The following LRCH3 variants were observed in gnomAD, a reference collection of about 807,000 sequenced individuals.
The protein encoded by LRCH3 is DISP complex protein LRCH3.
Under a neutral mutation model 104.5 loss-of-function variants are expected in LRCH3, and 68 were observed. The observed-to-expected ratio is 0.65, with a 90% CI of 0.54 to 0.80. The LOEUF (loss-of-function observed/expected upper bound fraction) is 0.80. Among genes scored for constraint, LRCH3 ranks in the 30% least tolerant of loss-of-function variants. LRCH3 has a pLI of 0.00. For synonymous variants in LRCH3, 344 were observed against 361.3 expected (o/e 0.95, Z 0.54); for missense variants, 951 against 953.9 (o/e 1.00, Z 0.04).
intron 20 of LRCH3, among the ~76,000 whole-genome samples, chr3:197,877,879 ATTATG>A (rs1488798834): frequency 2.0e-5 from 3 of 152,078 alleles, no homozygotes; most frequent in Non-Finnish European, 4.4e-5. Context: ...TCGTTTTTAT[ATTATG>A]TTGTTTTATA....
chr3:197,844,089 T>TA (rs1003155011), intron 10 of LRCH3, among the ~76,000 whole-genome samples: 3 of 152,210 alleles, frequency 2.0e-5, no homozygotes, highest in Non-Finnish European at 2.9e-5. Context: ...TATGGATGTC[T>TA]AGGGGTGAAA....
chr3:197,803,943 C>T (rs1205003470), intron 1 of LRCH3, among the ~76,000 whole-genome samples: 4 of 152,110 alleles, frequency 2.6e-5, no homozygotes, highest in Admixed American at 6.5e-5. Context: ...AAATTGAATA[C>T]TTTCAACATC....
rs1471326685 is a variant in LRCH3, at chr3:197,875,725, C to T, written c.2158C>T (p.Arg720Ter). The T allele has an allele frequency of 2.6e-6, 4 of 1,534,668 alleles. No homozygotes were observed. The highest frequency in any genetic ancestry group is 2.6e-6 in the Non-Finnish European group (3 of 1,146,558). ...VPKLTMAKCR[R>*]NVENFLEACR... Reference sequence around the variant, plus strand: ...TAAATTAACAATGGCGAAATGCAGGCGAAATGTGGAAAATTTCCTAGAAGC... The same window carrying T: ...TAAATTAACAATGGCGAAATGCAGGTGAAATGTGGAAAATTTCCTAGAAGC... Residue 720 changes from arginine to a stop codon, truncating the protein, a stop_gained, in exon 20 of 21, where the codon CGA becomes TGA. Coordinates refer to ENST00000425562, the MANE Select transcript of LRCH3 (RefSeq NM_001365715.1). LOFTEE classifies it high-confidence loss of function.
At chr3:197,835,891 T>C in intron 9 of LRCH3, 69 bp downstream of exon 9, 1 of 1,508,404 alleles carries the variant, frequency 6.6e-7, no homozygotes. Flanking sequence ...TAGTATAAAG[T>C]TTTGTTATAT....
chr3:197,791,628 A>G, intron 1 of LRCH3, 88 bp downstream of exon 1: 5 of 1,405,068 alleles, frequency 3.6e-6, no homozygotes, highest in Non-Finnish European at 4.7e-6. Flanking sequence ...GGGGAGTTAC[A>G]GCAGCTCGTC....
intron 10 of LRCH3, among the ~76,000 whole-genome samples, chr3:197,842,125 A>G (rs542062809): frequency 6.6e-6 from 1 of 152,314 alleles, no homozygotes; most frequent in Non-Finnish European, 1.5e-5. Flanking sequence ...GGTGTGAGCC[A>G]CTGCACCCAG....
chr3:197,845,872 C>T (rs1423048247), intron 10 of LRCH3, among the ~76,000 whole-genome samples: 1 of 152,146 alleles, frequency 6.6e-6, no homozygotes, highest in African/African-American at 2.4e-5. Flanking sequence ...CCACTGCACT[C>T]CAGCCTGGGT....
In LRCH3 at chr3:197,832,310, C is replaced by T. The variant is rs761724769; in HGVS notation, c.1095C>T (p.Asn365=). ...ACCGCGGCAGTTTGGTAGTAACAAA[C>T]GGCGGAGGTAAACATAATTCCGGTG... The part of the protein sequence containing the change: ...QENRGSLVVT[N]GGVEHDLDQI... The change falls in exon 8 of 21, where the codon AAC becomes AAT. Residue 365 remains asparagine (N), a synonymous_variant. Coordinates refer to ENST00000425562, the MANE Select transcript of LRCH3 (RefSeq NM_001365715.1). 6.8e-5 allele frequency: 110 copies of T among 1,612,938 alleles called. 1 individual carries two copies. The East Asian group carries it at 1.8e-3, about 27-fold the overall frequency.
rs1328539395 is a variant in LRCH3 at position 197,883,699 on chromosome 3, A to G, written c.*33A>G. On this transcript the variant is annotated 3_prime_UTR_variant, in exon 21 of 21. Coordinates refer to ENST00000425562, the MANE Select transcript of LRCH3 (RefSeq NM_001365715.1). This position sits in a 1 kb window ranked among gnomAD's most constrained non-coding sequence, Gnocchi z 4.2. ...CAGGACGGTGGGCACTGGCCTGGCC[A>G]AAACAAGGAACAGGACACCGTGATT... The G allele has an allele frequency of 1.0e-5, 16 of 1,527,812 alleles. No individual in the cohort carries two copies. Among genetic ancestry groups the G allele is most frequent in the Non-Finnish European group, 1.3e-5 (15 of 1,143,028 alleles). 94.6% of individuals were successfully genotyped at this position (1,527,812 alleles called of 1,614,324 possible). A position where few individuals can be genotyped will look rare whatever the true frequency, so the allele number is the denominator to read the frequency against.
At chr3:197,800,844 C>T (rs772301802) in intron 1 of LRCH3, among the ~76,000 whole-genome samples, 1 of 152,034 alleles carries the variant, frequency 6.6e-6, no homozygotes, top group Admixed American at 6.6e-5. Context: ...ACCTATAATC[C>T]CAGCACTTTG....
chr3:197,853,399 A>G (rs1011944866), intron 13 of LRCH3, among the ~76,000 whole-genome samples: 1 of 152,072 alleles, frequency 6.6e-6, no homozygotes, highest in African/African-American at 2.4e-5. Flanking sequence ...TGTGTTGGTC[A>G]GGCTGGTCTC....
intron 1 of LRCH3, among the ~76,000 whole-genome samples, chr3:197,797,893 A>AAAAAACAAAAAAAAC: frequency 6.8e-6 from 1 of 146,750 alleles, no homozygotes; most frequent in African/African-American, 2.6e-5. Flanking sequence ...CAAAAAAAAA[A>AAAAAACAAAAAAAAC]ACAAAACCAG....
At chr3:197,833,163 T>A (rs1309499138) in intron 8 of LRCH3, among the ~76,000 whole-genome samples, 1 of 152,068 alleles carries the variant, frequency 6.6e-6, no homozygotes, top group East Asian at 1.9e-4. Flanking sequence ...CTTAAAATAA[T>A]GTTGAGATCT....
Position 197,866,227 on chromosome 3 carries a change from G to T in LRCH3, c.1873+8G>T. 6.2e-7 allele frequency: 1 copy of T among 1,607,992 alleles called. No homozygotes were observed. Among genetic ancestry groups the T allele is most frequent in the Non-Finnish European group, 8.5e-7 (1 of 1,174,428 alleles). ...GGGCAGAAACCAACAAAGGTAGGTG[G>T]TGGTGATTTTAAAAGCCAGGAGCGA... is the stretch of plus-strand genomic sequence containing the variant. On this transcript the variant is annotated splice_region_variant and intron_variant, in intron 17 of 20. Coordinates refer to ENST00000425562, the MANE Select transcript of LRCH3 (RefSeq NM_001365715.1).
intron 16 of LRCH3, 102 bp downstream of exon 16, chr3:197,865,573 C>T (rs890302990): frequency 1.4e-6 from 1 of 718,702 alleles, no homozygotes; most frequent in African/African-American, 1.9e-5. Flanking sequence ...TCTGTGTTGA[C>T]CAGGGTGGTC....
At chr3:197,819,768 T>G (rs1434885679) in intron 3 of LRCH3, among the ~76,000 whole-genome samples, 1 of 152,120 alleles carries the variant, frequency 6.6e-6, no homozygotes, top group African/African-American at 2.4e-5. Context: ...AATTATTAAT[T>G]GGTAGGAAAA....
rs181967402 is a variant in LRCH3 at position 197,807,256 on chromosome 3, G to A, written c.263-7652G>A. On this transcript the variant is annotated intron_variant, in intron 1 of 20. Transcript: ENST00000425562. ...TTTTGAGACGGAGTCTCGTTCTGTC[G>A]CCCAGGCTGGAGTGCAGTGGCGCGA... Among the ~76,000 whole-genome samples the A allele has an allele frequency of 2.4e-3, 353 of 145,288 alleles. 3 individuals carry two copies. Among genetic ancestry groups the A allele is most frequent in the African/African-American group, 8.3e-3 (325 of 38,986 alleles).
intron 20 of LRCH3, among the ~76,000 whole-genome samples, chr3:197,878,723 C>T (rs942492797): frequency 5.3e-5 from 8 of 152,188 alleles, no homozygotes; most frequent in African/African-American, 1.9e-4. Flanking sequence ...AACGCACAAA[C>T]TCGTAGGTTC....
At chr3:197,791,741 G>A (rs1730542355) in intron 1 of LRCH3, among the ~76,000 whole-genome samples, 1 of 152,176 alleles carries the variant, frequency 6.6e-6, no homozygotes, top group South Asian at 2.1e-4. Flanking sequence ...GGCGGGCGGC[G>A]GCATCTCTCG....
Sources: gnomAD v4.1 joint callset for allele counts (sites outside exome capture counted in the v4.1 genomes callset) on GRCh38, gnomAD v4.1.1 for gene constraint, Gnocchi (gnomAD v3.1) non-coding constraint, MANE v1.5 for transcripts, NCBI Gene and HGNC (gene_info 2026-07-23, HGNC 2026-07-21) for gene names.